URB1: variants seen among roughly 807,000 people sequenced by gnomAD.
URB1 encodes the protein nucleolar pre-ribosomal-associated protein 1.
A neutral mutation model predicts 242.3 loss-of-function variants in URB1; 197 were observed. The observed-to-expected ratio is 0.81, with a 90% CI of 0.72 to 0.91. The LOEUF (loss-of-function observed/expected upper bound fraction) is 0.91, where lower values mean the gene tolerates loss of function less well. URB1 is among the 40% of genes least tolerant of loss of function. The pLI is 0.00. For missense variants in URB1, 2,721 were observed against 2,860.5 expected, an observed-to-expected ratio of 0.95 and a Z score of 1.11; for synonymous variants, 1,153 against 1,201.8, an observed-to-expected ratio of 0.96 and a Z score of 0.84.
chr21:32,363,145 T>A lies in URB1; in HGVS notation c.1509+11A>T. On this transcript the variant is annotated intron_variant, in intron 11 of 38. Coordinates refer to ENST00000382751, the MANE Select transcript of URB1 (RefSeq NM_014825.3). ...TCTGGAAGGAAAGCCCAAACCCAGATCAGAGCCTACCTTGCTCAGGGCTTC... is the reference window on the plus strand; with the variant it reads ...TCTGGAAGGAAAGCCCAAACCCAGAACAGAGCCTACCTTGCTCAGGGCTTC... The A allele has an allele frequency of 6.5e-7, 1 of 1,549,766 alleles. No homozygotes were observed. Among genetic ancestry groups the A allele is most frequent in the Non-Finnish European group, 8.7e-7 (1 of 1,146,212 alleles).
At chr21:32,379,419 T>C (rs1433767474) in intron 4 of URB1, among the ~76,000 whole-genome samples, 2 of 152,216 alleles carry the variant, frequency 1.3e-5, no homozygotes, top group African/African-American at 4.8e-5. Flanking sequence ...AGAAATAAGT[T>C]AATATCACAA....
chr21:32,373,942 A>G (rs558922667), intron 6 of URB1, among the ~76,000 whole-genome samples, 170 bp from the exon 7 acceptor site: 2 of 152,202 alleles, frequency 1.3e-5, no homozygotes, highest in Non-Finnish European at 2.9e-5. Context: ...AAATTCACCA[A>G]TATTCCCAAC....
chr21:32,385,467 A>G, intron 2 of URB1, 78 bp downstream of exon 2: 1 of 1,485,202 alleles, frequency 6.7e-7, no homozygotes, highest in South Asian at 1.4e-5. Flanking sequence ...GGAAATTTCT[A>G]TCACATTTTT....
chr21:32,392,658 C>CT, intron 1 of URB1, 111 bp downstream of exon 1: 1 of 1,287,204 alleles, frequency 7.8e-7, no homozygotes, highest in Non-Finnish European at 1.0e-6. Context: ...AGAGGCTTGC[C>CT]ACTGAGCCTA....
chr21:32,345,506 G>A lies in URB1; in HGVS notation c.3938C>T (p.Thr1313Ile), dbSNP rs1020614618. Reference sequence around the variant, plus strand: ...CAGCCCAGATGCTGGGGGACTGTCAGTGCTAAGAAGCCTGCTCTGTAGCTG... The same window carrying A: ...CAGCCCAGATGCTGGGGGACTGTCAATGCTAAGAAGCCTGCTCTGTAGCTG... ...WRQLQSRLLS[T>I]DSPPASGLYQ... The change falls in exon 23 of 39, where the codon ACT becomes ATT. Residue 1313 changes from threonine to isoleucine, a missense_variant. Physicochemically the swap from Thr to Ile is moderately conservative, Grantham distance 89 (BLOSUM62 -1). Coordinates refer to ENST00000382751, the MANE Select transcript of URB1 (RefSeq NM_014825.3). The A allele has an allele frequency of 1.0e-5, 16 of 1,551,288 alleles. No individual in the cohort carries two copies. The highest frequency in any genetic ancestry group is 2.0e-5 in the Admixed American group (1 of 50,976).
intron 4 of URB1, among the ~76,000 whole-genome samples, chr21:32,379,734 A>G (rs894609101): frequency 6.6e-6 from 1 of 152,220 alleles, no homozygotes; most frequent in African/African-American, 2.4e-5. Context: ...TCATGCCTAT[A>G]ATCCCAGCAC....
intron 38 of URB1, 73 bp from the exon 39 acceptor site, chr21:32,315,172 A>G: frequency 7.2e-7 from 1 of 1,396,768 alleles, no homozygotes; most frequent in Non-Finnish European, 9.4e-7. Flanking sequence ...CCTGCCCACA[A>G]TGCAACGGCT....
intron 6 of URB1, 80 bp downstream of exon 6, chr21:32,375,318 A>G: frequency 1.1e-6 from 1 of 869,990 alleles, no homozygotes; most frequent in Non-Finnish European, 1.7e-6. Context: ...TTGTAGCTCT[A>G]CAGTCCTGTA....
At position 32,393,001 on chromosome 21, in the gene URB1, C is replaced by G; in HGVS notation, c.-91G>C. 7.2e-7 allele frequency: 1 copy of G among 1,388,864 alleles called. No homozygotes were observed. Among genetic ancestry groups the G allele is most frequent in the Non-Finnish European group, 9.4e-7 (1 of 1,065,450 alleles). The allele number at this position is 1,388,864 out of a possible 1,614,324, so 86.0% of individuals were successfully genotyped here. On this transcript the variant is annotated 5_prime_UTR_variant, in exon 1 of 39. Coordinates refer to ENST00000382751, the MANE Select transcript of URB1 (RefSeq NM_014825.3). Reference sequence around the variant, plus strand: ...AGACAGCAGACACGCGCTTCAGGCCCACATGGCGCAGGAAGAGGCGGGGCT... The same window carrying G: ...AGACAGCAGACACGCGCTTCAGGCCGACATGGCGCAGGAAGAGGCGGGGCT...
At chr21:32,327,639 A>T (rs1430315872) in intron 30 of URB1, among the ~76,000 whole-genome samples, 1 of 152,222 alleles carries the variant, frequency 6.6e-6, no homozygotes, top group Non-Finnish European at 1.5e-5. Context: ...TTCTTTTAGA[A>T]ATAATGACAA....
At position 32,390,128 on chromosome 21, in the gene URB1, C is replaced by T. The variant is rs1347651000; in HGVS notation, c.142+2641G>A. 2.6e-5 allele frequency among the ~76,000 whole-genome samples: 4 copies of T among 152,306 alleles called. No homozygotes were observed. In the South Asian group the frequency reaches 6.2e-4, roughly 24 times the overall value. On this transcript the variant is annotated intron_variant, in intron 1 of 38. Transcript: ENST00000382751. ...TCAAACAAGGGATCCACACTTTCAC[C>T]CATTGACTCAGCTTTGCCCCATCTT...
chr21:32,383,154 A>G (rs1469305223), intron 4 of URB1, among the ~76,000 whole-genome samples: 1 of 152,160 alleles, frequency 6.6e-6, no homozygotes, highest in Non-Finnish European at 1.5e-5. Context: ...CATCCTCACA[A>G]CCAGGAAGGC....
In URB1 at chr21:32,329,298, T is replaced by C. The variant is rs146739813; in HGVS notation, c.4961-3909A>G. Among the ~76,000 whole-genome samples, 374 of 152,260 alleles carry C rather than the reference T, an allele frequency of 2.5e-3. 1 individual carries two copies. The highest frequency in any genetic ancestry group is 8.5e-3 in the African/African-American group (355 of 41,546). ...AAAATGTGCCCCAGTATTAGTGGGCTTCAGTAGCAGTGTAACTGCTGTTGG... is the reference window on the plus strand; with the variant it reads ...AAAATGTGCCCCAGTATTAGTGGGCCTCAGTAGCAGTGTAACTGCTGTTGG... On this transcript the variant is annotated intron_variant, in intron 30 of 38. Transcript: ENST00000382751.
chr21:32,340,409 C>T lies in URB1; in HGVS notation c.4316+1057G>A, dbSNP rs180715864. On this transcript the variant is annotated intron_variant, in intron 25 of 38. Transcript: ENST00000382751. Reference sequence around the variant, plus strand: ...GGTGGATTACCTGAGGTCAGGAGTTCGAGACCAGCCTGCCCAACATGGTGA... The same window carrying T: ...GGTGGATTACCTGAGGTCAGGAGTTTGAGACCAGCCTGCCCAACATGGTGA... Among the ~76,000 whole-genome samples the T allele has an allele frequency of 4.3e-3, 659 of 152,020 alleles. 13 individuals are homozygous for T. Among genetic ancestry groups the T allele is most frequent in the Non-Finnish European group, 9.1e-4 (62 of 67,978 alleles).
chr21:32,370,496 G>A (rs2033394935), intron 8 of URB1, among the ~76,000 whole-genome samples: 3 of 152,158 alleles, frequency 2.0e-5, no homozygotes, highest in Non-Finnish European at 4.4e-5. Flanking sequence ...AAAATGGAGA[G>A]CATTAATATT....
chr21:32,332,754 A>G (rs1405427789), intron 30 of URB1, among the ~76,000 whole-genome samples: 1 of 152,184 alleles, frequency 6.6e-6, no homozygotes, highest in East Asian at 1.9e-4. Context: ...ACAATGAGCT[A>G]TCCCTGCACA....
intron 17 of URB1, 146 bp downstream of exon 17, chr21:32,354,713 T>C: frequency 9.2e-7 from 1 of 1,091,672 alleles, no homozygotes; most frequent in Non-Finnish European, 1.3e-6. Context: ...AAGGAGATTA[T>C]TTCCAGAACA....
chr21:32,312,437 C>T lies in URB1; in HGVS notation c.*2481G>A. ...CTCCACTAACACCCGCCGGCTCCCC[C>T]AGATGTGATGGCATCTGCCCTGCCA... On this transcript the variant is annotated 3_prime_UTR_variant, in exon 39 of 39. Coordinates refer to ENST00000382751, the MANE Select transcript of URB1 (RefSeq NM_014825.3). 2 of 652,186 alleles carry T rather than the reference C, an allele frequency of 3.1e-6. No individual in the cohort carries two copies. Among genetic ancestry groups the T allele is most frequent in the South Asian group, 2.9e-5 (1 of 35,022 alleles). 40.4% of individuals were successfully genotyped at this position (652,186 alleles called of 1,614,324 possible).
intron 8 of URB1, among the ~76,000 whole-genome samples, 166 bp downstream of exon 8, chr21:32,372,341 C>A (rs2033415341): frequency 6.6e-6 from 1 of 152,212 alleles, no homozygotes; most frequent in Non-Finnish European, 1.5e-5. Flanking sequence ...TGAGGACATG[C>A]AACAAGGAGA....
Sources: allele counts gnomAD v4.1 joint callset (sites outside exome capture counted in the v4.1 genomes callset), GRCh38; gene constraint gnomAD v4.1.1; transcripts MANE v1.5; gene names NCBI Gene and HGNC (gene_info 2026-07-23, HGNC 2026-07-21).